Variants in RMDN1 observed in about 807,000 individuals in gnomAD.
RMDN1 encodes the protein regulator of microtubule dynamics protein 1.
In RMDN1, 48 loss-of-function variants were observed where a neutral mutation model predicts 48.9. The ratio of observed to expected loss-of-function variants is 0.98; its 90% confidence interval spans 0.78 to 1.25. The LOEUF is 1.25. RMDN1 is among the 50% of genes most tolerant of loss of function. RMDN1 has a pLI of 0.00. For missense variants in RMDN1, 418 were observed against 373.4 expected (o/e 1.12, Z -0.98); for synonymous variants, 148 against 132.6 (o/e 1.12, Z -0.80).
intron 4 of RMDN1, 114 bp downstream of exon 4, chr8:86,486,369 AG>A: frequency 1.5e-6 from 1 of 664,588 alleles, no homozygotes; most frequent in Non-Finnish European, 2.2e-6. Flanking sequence ...TTGAATAAAA[AG>A]AAAAAAAAAC....
chr8:86,504,673 T>C, intron 2 of RMDN1: 1 of 877,204 alleles, frequency 1.1e-6, no homozygotes, highest in Non-Finnish European at 2.0e-6. Context: ...ATGAGCTTTG[T>C]CTTTATCGGG....
chr8:86,497,472 G>A (rs575943492), intron 2 of RMDN1, among the ~76,000 whole-genome samples: 1 of 152,258 alleles, frequency 6.6e-6, no homozygotes, highest in South Asian at 2.1e-4. Flanking sequence ...GGAGGCCAAG[G>A]TGGGTGGATG....
At chr8:86,506,941 A>C in intron 2 of RMDN1, 54 bp downstream of exon 2, 1 of 859,680 alleles carries the variant, frequency 1.2e-6, no homozygotes, top group Non-Finnish European at 1.9e-6. Flanking sequence ...AAAAATTCTG[A>C]ATGTACGCAC....
At chr8:86,483,414 G>T (rs1372097335) in intron 5 of RMDN1, among the ~76,000 whole-genome samples, 1 of 152,102 alleles carries the variant, frequency 6.6e-6, no homozygotes, top group African/African-American at 2.4e-5. Context: ...ATGCCACTGA[G>T]AAAATTACTG....
At chr8:86,485,419 TG>T (rs1414512408) in intron 4 of RMDN1, among the ~76,000 whole-genome samples, 4 of 152,038 alleles carry the variant, frequency 2.6e-5, no homozygotes, top group African/African-American at 9.7e-5. Context: ...AATGAGACTA[TG>T]TCTAAAACAA....
At chr8:86,503,566 G>A (rs1046869461) in intron 2 of RMDN1, 1 of 396,278 alleles carries the variant, frequency 2.5e-6, no homozygotes, top group Non-Finnish European at 5.0e-6. Flanking sequence ...AAAAGAATTA[G>A]ATTAGGACCA....
upstream of RMDN1, among the ~76,000 whole-genome samples, chr8:86,512,191 C>T (rs2131399457): frequency 6.6e-6 from 1 of 152,190 alleles, no homozygotes; most frequent in Non-Finnish European, 1.5e-5. Flanking sequence ...CATCCCCTTG[C>T]CTCTACTCTT....
downstream of RMDN1, among the ~76,000 whole-genome samples, chr8:86,469,090 T>A (rs1477880718): frequency 6.7e-6 from 1 of 149,690 alleles, no homozygotes; most frequent in Non-Finnish European, 1.5e-5. Context: ...GTCTGTTAGA[T>A]CAGTTAAGCA....
chr8:86,470,511 A>AAAT (rs1812453298), downstream of RMDN1: 10 of 1,012,268 alleles, frequency 9.9e-6, no homozygotes, highest in Non-Finnish European at 1.3e-5. Flanking sequence ...TAAAGGGGAA[A>AAAT]AATGAAGATA....
intron 2 of RMDN1, chr8:86,503,836 C>T (rs1818818258): frequency 3.5e-6 from 2 of 574,522 alleles, no homozygotes; most frequent in South Asian, 3.3e-5. Context: ...TTATCAACCA[C>T]TTTTTGACAG....
At position 86,473,256 on chromosome 8, in the gene RMDN1, CTT is replaced by C; in HGVS notation, c.*1050_*1051del. The C allele has an allele frequency of 2.0e-6, 2 of 985,368 alleles. No individual in the cohort carries two copies. The highest frequency in any genetic ancestry group is 2.4e-6 in the Non-Finnish European group (2 of 829,894). 61.0% of individuals were successfully genotyped at this position (985,368 alleles called of 1,614,324 possible). A position where few individuals can be genotyped will look rare whatever the true frequency, so the allele number is the denominator to read the frequency against. ...AAATCCACCTACACACACAGTCTGTCTTTATCTAAGTGGATTCAAGATGCTCC... is the reference window on the plus strand; with the variant it reads ...AAATCCACCTACACACACAGTCTGTCTATCTAAGTGGATTCAAGATGCTCC... On this transcript the variant is annotated 3_prime_UTR_variant, in exon 10 of 10. Coordinates refer to ENST00000406452, the MANE Select transcript of RMDN1 (RefSeq NM_016033.3).
At chr8:86,488,783 T>C in intron 2 of RMDN1, 144 bp from the exon 3 acceptor site, 1 of 475,380 alleles carries the variant, frequency 2.1e-6, no homozygotes, top group Non-Finnish European at 3.7e-6. Context: ...CAGCAGAAAT[T>C]AGGAAGAACC....
At chr8:86,486,699 AG>A (rs1358405113) in intron 3 of RMDN1, 56 bp from the exon 4 acceptor site, 13 of 1,403,816 alleles carry the variant, frequency 9.3e-6, no homozygotes, top group Non-Finnish European at 1.3e-5. Flanking sequence ...AAAATTGTTA[AG>A]GGTTACATTA....
At chr8:86,477,387 G>A in intron 7 of RMDN1, 63 bp from the exon 8 acceptor site, 1 of 1,319,598 alleles carries the variant, frequency 7.6e-7, no homozygotes, top group Non-Finnish European at 1.1e-6. Flanking sequence ...TATTAAAAAA[G>A]CATTGTCTCA....
exon 1 of RMDN1, chr8:86,514,301 C>T (rs1041626562): frequency 2.0e-6 from 2 of 984,120 alleles, no homozygotes; most frequent in Admixed American, 1.2e-4. Context: ...CTCGAAGCGC[C>T]AGCCTACTGG....
chr8:86,485,739 C>G (rs1431944712), intron 4 of RMDN1, among the ~76,000 whole-genome samples: 1 of 152,122 alleles, frequency 6.6e-6, no homozygotes, highest in Admixed American at 6.5e-5. Context: ...GAGTTTCTTT[C>G]CCAAGAAATG....
In RMDN1 at chr8:86,474,376, A is replaced by C. The variant is rs758108530; in HGVS notation, c.895-18T>G. ...GTCTGTATCTAAAATGGAAAAATAC[A>C]TGTTATAAGTAAACAGGAGAGCTAA... On this transcript the variant is annotated intron_variant, in intron 9 of 9. Coordinates refer to ENST00000406452, the MANE Select transcript of RMDN1 (RefSeq NM_016033.3). 7 of 1,571,956 alleles carry C rather than the reference A, an allele frequency of 4.5e-6. No homozygotes were observed. Among genetic ancestry groups the C allele is most frequent in the Non-Finnish European group, 5.3e-6 (6 of 1,142,138 alleles).
intron 2 of RMDN1, among the ~76,000 whole-genome samples, chr8:86,499,007 T>C (rs1294691292): frequency 6.6e-6 from 1 of 152,094 alleles, no homozygotes; most frequent in Admixed American, 6.6e-5. Flanking sequence ...AGGCTTTTGA[T>C]AAAATTCAAC....
At chr8:86,483,966 A>G (rs1815018291) in intron 5 of RMDN1, among the ~76,000 whole-genome samples, 1 of 152,188 alleles carries the variant, frequency 6.6e-6, no homozygotes, top group Non-Finnish European at 1.5e-5. Flanking sequence ...CACATACAAT[A>G]TACACACAGA....
Sources: gnomAD v4.1 joint callset for allele counts (sites outside exome capture counted in the v4.1 genomes callset) on GRCh38, gnomAD v4.1.1 for gene constraint, MANE v1.5 for transcripts, NCBI Gene and HGNC (gene_info 2026-07-23, HGNC 2026-07-21) for gene names.